NRXN3: variants seen among roughly 807,000 people sequenced by gnomAD.
The protein encoded by NRXN3 is neurexin III.
In NRXN3, 32 loss-of-function variants were observed where a neutral mutation model predicts 137.6. That is an observed-to-expected ratio of 0.23 (90% CI 0.18 to 0.31). NRXN3 has a LOEUF of 0.31. Ranked by LOEUF, NRXN3 falls within the 10% of genes least tolerant of loss-of-function variation. NRXN3 has a pLI of 1.00. For missense variants in NRXN3, 1,574 were observed against 2,062.5 expected (o/e 0.76, Z 4.59); for synonymous variants, 798 against 784.5 (o/e 1.02, Z -0.29).
intron 15 of NRXN3, among the ~76,000 whole-genome samples, chr14:79,142,697 C>T (rs1333383177): frequency 6.6e-6 from 1 of 152,128 alleles, no homozygotes; most frequent in Admixed American, 6.5e-5. Flanking sequence ...ATAACCCTGA[C>T]AGCCATGGGG....
At chr14:78,292,627 T>C (rs998912121) in intron 3 of NRXN3, among the ~76,000 whole-genome samples, 4 of 152,224 alleles carry the variant, frequency 2.6e-5, no homozygotes, top group African/African-American at 9.6e-5. Context: ...AAAGGAATTG[T>C]AGTTCCATAA....
intron 17 of NRXN3, among the ~76,000 whole-genome samples, chr14:79,687,227 C>G (rs901562880): frequency 1.3e-5 from 2 of 152,218 alleles, no homozygotes; most frequent in African/African-American, 2.4e-5. Context: ...TGAGATCCAT[C>G]TATCACTTAC....
In NRXN3 at chr14:79,380,677, T is replaced by G. The variant is rs145677369; in HGVS notation, c.3263-86544T>G. ...AAACATACGTGTGCATGTGTCTTTATAGCAGTATGATTTATAATCCTTTGG... is the reference window on the plus strand; with the variant it reads ...AAACATACGTGTGCATGTGTCTTTAGAGCAGTATGATTTATAATCCTTTGG... On this transcript the variant is annotated intron_variant, in intron 15 of 20. Coordinates refer to ENST00000335750, the MANE Select transcript of NRXN3 (RefSeq NM_001330195.2). Among the ~76,000 whole-genome samples, 1,445 of 152,310 alleles carry G rather than the reference T, an allele frequency of 9.5e-3. 8 individuals are homozygous for G. The highest frequency in any genetic ancestry group is 0.017 in the Non-Finnish European group (1,143 of 68,018).
intron 16 of NRXN3, among the ~76,000 whole-genome samples, chr14:79,512,726 T>G (rs1022314398): frequency 6.6e-6 from 1 of 152,190 alleles, no homozygotes; most frequent in Non-Finnish European, 1.5e-5. Flanking sequence ...ATAATTAATA[T>G]GTTTATATGT....
chr14:78,473,769 T>C lies in NRXN3; in HGVS notation c.758-171351T>C, dbSNP rs554159644. On this transcript the variant is annotated intron_variant, in intron 4 of 20. Transcript: ENST00000335750. ...GCTTGACTGGGGCCGGAGGATCCAC[T>C]TCTAAGATGGCTCACTCAAATGGAT... 2.0e-5 allele frequency among the ~76,000 whole-genome samples: 3 copies of C among 152,326 alleles called. No homozygotes were observed. In the South Asian group the frequency reaches 6.2e-4, roughly 32 times the overall value.
chr14:79,004,320 A>G (rs2152350588), intron 15 of NRXN3, among the ~76,000 whole-genome samples: 1 of 151,930 alleles, frequency 6.6e-6, no homozygotes, highest in East Asian at 1.9e-4. Flanking sequence ...ATCTCGGCTC[A>G]CTGCAAACTC....
intron 4 of NRXN3, among the ~76,000 whole-genome samples, chr14:78,337,635 C>G (rs1034355641): frequency 6.6e-6 from 1 of 152,136 alleles, no homozygotes; most frequent in African/African-American, 2.4e-5. Context: ...AAGGCTGTCT[C>G]ACCCTGTGTG....
intron 8 of NRXN3, among the ~76,000 whole-genome samples, chr14:78,742,611 T>A (rs2098583342): frequency 6.6e-6 from 1 of 152,168 alleles, no homozygotes; most frequent in African/African-American, 2.4e-5. Flanking sequence ...AGATTTTCTG[T>A]CTGGGATGGG....
At chr14:79,462,995 A>C (rs1395793230) in intron 15 of NRXN3, among the ~76,000 whole-genome samples, 1 of 151,242 alleles carries the variant, frequency 6.6e-6, no homozygotes, top group Non-Finnish European at 1.5e-5. Flanking sequence ...TCTCCCAGAA[A>C]AAGTAATATG....
chr14:78,573,150 C>T (rs977190814), intron 4 of NRXN3, among the ~76,000 whole-genome samples: 2 of 152,168 alleles, frequency 1.3e-5, no homozygotes, highest in Non-Finnish European at 2.9e-5. Flanking sequence ...TTGTAAGTTT[C>T]CTGAGGTCTC....
rs1233259000 is a variant in NRXN3 at position 78,719,331 on chromosome 14, TC to T, written c.2044+4194del. Among the ~76,000 whole-genome samples, 9 of 152,338 alleles carry T rather than the reference TC, an allele frequency of 5.9e-5. No homozygotes were observed. The East Asian group carries it at 1.7e-3, about 29-fold the overall frequency. The stretch of plus-strand genomic sequence containing the variant: ...TTTACTTCTCTCCAGTGACTCTTGT[TC>T]CAGTGGGAAAGGCATGCAGGCAGCA... On this transcript the variant is annotated intron_variant, in intron 8 of 20. Coordinates refer to ENST00000335750, the MANE Select transcript of NRXN3 (RefSeq NM_001330195.2).
chr14:78,540,504 A>G (rs781676098), intron 4 of NRXN3, among the ~76,000 whole-genome samples: 1 of 139,468 alleles, frequency 7.2e-6, no homozygotes, highest in Non-Finnish European at 1.5e-5. Context: ...TTGAGCCTAT[A>G]TGCATCTTTG....
At chr14:78,624,964 C>T (rs769425819) in intron 4 of NRXN3, among the ~76,000 whole-genome samples, 2 of 152,166 alleles carry the variant, frequency 1.3e-5, no homozygotes, top group Non-Finnish European at 2.9e-5. Flanking sequence ...GCCTCAGCCT[C>T]CTGAGTAGCT....
intron 15 of NRXN3, among the ~76,000 whole-genome samples, chr14:79,202,108 T>TTCCTCAATCA (rs2066118951): frequency 6.6e-6 from 1 of 151,938 alleles, no homozygotes; most frequent in South Asian, 2.1e-4. Context: ...ATTGAGGTTT[T>TTCCTCAATCA]ATTGAGCTAG....
intron 15 of NRXN3, among the ~76,000 whole-genome samples, chr14:79,326,105 G>A (rs2090822860): frequency 6.6e-6 from 1 of 152,094 alleles, no homozygotes; most frequent in Admixed American, 6.6e-5. Context: ...TTGCCAAAGT[G>A]ACATCATTAA....
chr14:79,441,295 A>T (rs2095940005), intron 15 of NRXN3, among the ~76,000 whole-genome samples: 1 of 151,500 alleles, frequency 6.6e-6, no homozygotes, highest in African/African-American at 2.4e-5. Context: ...TTTCAATTCT[A>T]AAAATTTTGA....
chr14:79,350,550 C>G (rs986944292), intron 15 of NRXN3, among the ~76,000 whole-genome samples: 1 of 152,106 alleles, frequency 6.6e-6, no homozygotes, highest in African/African-American at 2.4e-5. Context: ...TCCCTCTGTT[C>G]GGGAGTGTGT....
At chr14:78,291,895 T>C (rs987928333) in intron 3 of NRXN3, among the ~76,000 whole-genome samples, 2 of 152,208 alleles carry the variant, frequency 1.3e-5, no homozygotes, top group African/African-American at 2.4e-5. Context: ...AACTTTTTTT[T>C]CGTCTTTTCT....
intron 1 of NRXN3, among the ~76,000 whole-genome samples, chr14:78,182,500 G>A (rs1311257736): frequency 2.6e-5 from 4 of 152,068 alleles, no homozygotes; most frequent in Admixed American, 6.5e-5. Flanking sequence ...ATGGAGTTTC[G>A]CTCCTGTTGC....
Sources: gnomAD v4.1 joint callset for allele counts (sites outside exome capture counted in the v4.1 genomes callset) on GRCh38, gnomAD v4.1.1 for gene constraint, MANE v1.5 for transcripts, NCBI Gene and HGNC (gene_info 2026-07-23, HGNC 2026-07-21) for gene names.